The following SPOCK3 variants were observed in gnomAD, a reference collection of about 807,000 sequenced individuals.
SPOCK3 encodes the protein SPARC (osteonectin), cwcv and kazal like domains proteoglycan 3.
In SPOCK3, 30 loss-of-function variants were observed where a neutral mutation model predicts 56.6. That is an observed-to-expected ratio of 0.53 (90% CI 0.40 to 0.72). The LOEUF (loss-of-function observed/expected upper bound fraction) is 0.72, where lower values mean the gene tolerates loss of function less well. Among genes scored for constraint, SPOCK3 ranks in the 30% least tolerant of loss-of-function variants. SPOCK3 has a pLI of 0.00. For missense variants in SPOCK3, 527 were observed against 530.0 expected (o/e 0.99, Z 0.06); for synonymous variants, 196 against 183.3 (o/e 1.07, Z -0.56).
At chr4:167,149,989 G>C (rs1291758959) in intron 2 of SPOCK3, among the ~76,000 whole-genome samples, 1 of 152,020 alleles carries the variant, frequency 6.6e-6, no homozygotes, top group Non-Finnish European at 1.5e-5. Flanking sequence ...GCTGTCATGA[G>C]GATGAAATTG....
At chr4:167,011,296 G>A (rs1195652147) in intron 3 of SPOCK3, 1 of 455,922 alleles carries the variant, frequency 2.2e-6, no homozygotes, top group Non-Finnish European at 4.4e-6. Context: ...ATCGTGGAAG[G>A]AGAGAGCTGG....
intron 4 of SPOCK3, among the ~76,000 whole-genome samples, chr4:166,936,103 C>A (rs1740372368): frequency 6.6e-6 from 1 of 151,960 alleles, no homozygotes; most frequent in Admixed American, 6.6e-5. Context: ...AGTTTTATTT[C>A]TTTTATTGTA....
At position 167,234,128 on chromosome 4, in the gene SPOCK3, A is replaced by C. The variant is rs766385437; in HGVS notation, c.46T>G (p.Cys16Gly). The C allele has an allele frequency of 6.2e-7, 1 of 1,613,844 alleles. No homozygotes were observed. The highest frequency in any genetic ancestry group is 2.2e-5 in the East Asian group (1 of 44,840). ...AVLCVCAAAW[C>G]SQSLAAAAAV... ...GCGGCAGCTGCGAGAGACTGACTGC[A>C]CCAAGCGGCTGCACACACACACAGT... The change falls in exon 2 of 11, where the codon TGC becomes GGC. Residue 16 changes from cysteine (C) to glycine (G), a missense_variant. Physicochemically the swap from Cys to Gly is radical, Grantham distance 159. Coordinates refer to ENST00000357545, the MANE Select transcript of SPOCK3 (RefSeq NM_001040159.2).
intron 6 of SPOCK3, among the ~76,000 whole-genome samples, chr4:166,863,178 G>A (rs888410060): frequency 1.8e-4 from 27 of 152,020 alleles, no homozygotes; most frequent in African/African-American, 5.8e-4. Context: ...ATAAGCAAAG[G>A]AGAAATAAAA....
At chr4:166,993,295 T>A (rs1748000072) in intron 4 of SPOCK3, among the ~76,000 whole-genome samples, 1 of 152,204 alleles carries the variant, frequency 6.6e-6, no homozygotes, top group Non-Finnish European at 1.5e-5. Context: ...TCAAAAAAAA[T>A]TGACATCCCT....
chr4:167,061,376 T>G (rs1755590228), intron 3 of SPOCK3, among the ~76,000 whole-genome samples: 1 of 151,952 alleles, frequency 6.6e-6, no homozygotes, highest in South Asian at 2.1e-4. Flanking sequence ...ATTAATTCTT[T>G]TAGAATTTTA....
intron 5 of SPOCK3, among the ~76,000 whole-genome samples, chr4:166,901,079 C>T (rs1735997810): frequency 6.6e-6 from 1 of 152,112 alleles, no homozygotes. Flanking sequence ...CTTAACCTTA[C>T]CAGAGAAGTC....
intron 6 of SPOCK3, among the ~76,000 whole-genome samples, chr4:166,818,924 T>C (rs1422246174): frequency 6.6e-6 from 1 of 152,074 alleles, no homozygotes; most frequent in Non-Finnish European, 1.5e-5. Context: ...TTTTAAAGTC[T>C]CTAGACTTTT....
chr4:166,950,526 T>C (rs575217770), intron 4 of SPOCK3, among the ~76,000 whole-genome samples: 5 of 151,934 alleles, frequency 3.3e-5, no homozygotes, highest in Non-Finnish European at 7.4e-5. Flanking sequence ...GACAGATCAA[T>C]GAGACAGAAA....
intron 2 of SPOCK3, among the ~76,000 whole-genome samples, chr4:167,162,674 G>C (rs1765418163): frequency 6.6e-6 from 1 of 151,888 alleles, no homozygotes; most frequent in East Asian, 1.9e-4. Context: ...GCTGCAGCTG[G>C]GATATAATTA....
chr4:166,889,161 C>T lies in SPOCK3; in HGVS notation c.558G>A (p.Lys186=), dbSNP rs1311808664. 6.2e-7 allele frequency: 1 copy of T among 1,610,956 alleles called. No individual in the cohort carries two copies. Among genetic ancestry groups the T allele is most frequent in the Admixed American group, 1.7e-5 (1 of 59,812 alleles). The change falls in exon 6 of 11, where the codon AAG becomes AAA. Residue 186 remains lysine (K), a synonymous_variant. Transcript: ENST00000357545. The part of the protein sequence containing the change: ...CEGHCPCPSD[K]PTSTSRNVKR... ...TAACATTTCTGCTTGTACTGGTGGGCTTATCTGAAGGACATGGGCAATGTC... is the reference window on the plus strand; with the variant it reads ...TAACATTTCTGCTTGTACTGGTGGGTTTATCTGAAGGACATGGGCAATGTC...
At chr4:167,159,153 AT>A (rs1765064482) in intron 2 of SPOCK3, among the ~76,000 whole-genome samples, 1 of 152,006 alleles carries the variant, frequency 6.6e-6, no homozygotes, top group Non-Finnish European at 1.5e-5. Context: ...TTAAGCTTTT[AT>A]TTTCTCATCT....
chr4:166,929,951 G>GT (rs1739548724), intron 4 of SPOCK3, among the ~76,000 whole-genome samples: 1 of 152,062 alleles, frequency 6.6e-6, no homozygotes, highest in Non-Finnish European at 1.5e-5. Flanking sequence ...TACTTAGTCT[G>GT]TTAAGAACTA....
chr4:167,212,373 C>A (rs934961731), intron 2 of SPOCK3, among the ~76,000 whole-genome samples: 1 of 151,862 alleles, frequency 6.6e-6, no homozygotes, highest in Non-Finnish European at 1.5e-5. Context: ...TCCTGAGTAC[C>A]TGGGATTACA....
chr4:167,028,007 GT>G (rs912296083), intron 3 of SPOCK3, among the ~76,000 whole-genome samples: 1 of 151,952 alleles, frequency 6.6e-6, no homozygotes, highest in Non-Finnish European at 1.5e-5. Flanking sequence ...TGAACTTCCT[GT>G]CCCCTTATTT....
chr4:166,899,242 A>ATATC (rs75617799), intron 5 of SPOCK3, among the ~76,000 whole-genome samples: 10,043 of 117,238 alleles, frequency 0.086, 447 homozygotes, highest in Middle Eastern at 0.12. Context: ...AAATCTCCTC[A>ATATC]TATCTATCTA....
At chr4:167,191,964 AT>A (rs1327546644) in intron 2 of SPOCK3, among the ~76,000 whole-genome samples, 4 of 144,640 alleles carry the variant, frequency 2.8e-5, no homozygotes, top group Admixed American at 7.1e-5. Context: ...TCTTTACCTA[AT>A]TTTTTTGCGA....
chr4:166,930,934 T>C (rs10029611), intron 4 of SPOCK3, among the ~76,000 whole-genome samples: 152,187 of 152,258 alleles, frequency 1, 76,058 homozygotes, highest in Middle Eastern at 1. Flanking sequence ...TTTAGGGGTT[T>C]CATTAATGTC....
chr4:166,869,828 G>C (rs1732270675), intron 6 of SPOCK3, among the ~76,000 whole-genome samples: 1 of 151,960 alleles, frequency 6.6e-6, no homozygotes, highest in African/African-American at 2.4e-5. Context: ...TAGAGATACA[G>C]CACCTCGGAT....
Sources: gnomAD v4.1 joint callset for allele counts (sites outside exome capture counted in the v4.1 genomes callset) on GRCh38, gnomAD v4.1.1 for gene constraint, MANE v1.5 for transcripts, NCBI Gene and HGNC (gene_info 2026-07-23, HGNC 2026-07-21) for gene names.